The following RAPGEF4 variants were observed in gnomAD, a reference collection of about 807,000 sequenced individuals.
RAPGEF4 encodes Rap guanine nucleotide exchange factor 4, also known as RAP guanine-nucleotide-exchange factor (GEF) 4.
In RAPGEF4, 66 loss-of-function variants were observed where a neutral mutation model predicts 147.9. The observed-to-expected ratio is 0.45, with a 90% confidence interval of 0.37 to 0.55. RAPGEF4 has a LOEUF of 0.55. Among genes scored for constraint, RAPGEF4 ranks in the 20% least tolerant of loss-of-function variants. The pLI is 0.00. For missense variants in RAPGEF4, 1,071 were observed against 1,257.3 expected, an observed-to-expected ratio of 0.85 and a Z score of 2.24; for synonymous variants, 419 against 442.7, an observed-to-expected ratio of 0.95 and a Z score of 0.67.
rs1341811646 is a variant in RAPGEF4, at chr2:172,923,087, C to G, written c.537+787C>G. ...ACCTTTGCCTTTCTCTGCTTTCGGT[C>G]CCATGTCTGTGGGAAGATATACTCT... On this transcript the variant is annotated intron_variant, in intron 6 of 30. Coordinates refer to ENST00000397081, the MANE Select transcript of RAPGEF4 (RefSeq NM_007023.4). 2.6e-5 allele frequency among the ~76,000 whole-genome samples: 4 copies of G among 152,264 alleles called. No individual in the cohort carries two copies. The East Asian group carries it at 7.7e-4, about 29-fold the overall frequency.
intron 23 of RAPGEF4, among the ~76,000 whole-genome samples, chr2:173,026,289 G>A (rs1360377006): frequency 6.6e-6 from 1 of 152,196 alleles, no homozygotes; most frequent in Non-Finnish European, 1.5e-5. Flanking sequence ...CCAGGCCTGA[G>A]TGTGAGAGAA....
chr2:172,736,150 G>C (rs1260458908), intron 1 of RAPGEF4, 102 bp downstream of exon 1: 1 of 913,084 alleles, frequency 1.1e-6, no homozygotes, highest in African/African-American at 1.8e-5. Context: ...GCCGGGCTGC[G>C]GGTGGCCGGG....
intron 6 of RAPGEF4, among the ~76,000 whole-genome samples, chr2:172,947,980 C>T (rs373745297): frequency 1.3e-5 from 2 of 152,296 alleles, no homozygotes; most frequent in Non-Finnish European, 1.5e-5. Context: ...CACTATCCTG[C>T]CTTCCAAGGG....
At chr2:172,818,259 G>A (rs1456803662) in intron 4 of RAPGEF4, among the ~76,000 whole-genome samples, 1 of 152,006 alleles carries the variant, frequency 6.6e-6, no homozygotes, top group African/African-American at 2.4e-5. Flanking sequence ...ATGGATGCAC[G>A]AAAATCTCAG....
intron 30 of RAPGEF4, among the ~76,000 whole-genome samples, chr2:173,049,756 C>G (rs902870449): frequency 6.6e-6 from 1 of 152,194 alleles, no homozygotes; most frequent in African/African-American, 2.4e-5. Context: ...AATAGTCTTG[C>G]AATATCATCA....
At chr2:173,032,684 C>T (rs1327160312) in intron 26 of RAPGEF4, among the ~76,000 whole-genome samples, 1 of 152,154 alleles carries the variant, frequency 6.6e-6, no homozygotes, top group South Asian at 2.1e-4. Context: ...TGAACCCTAA[C>T]TTGAAATGCC....
chr2:172,918,738 A>T (rs765218765), intron 5 of RAPGEF4, among the ~76,000 whole-genome samples: 1 of 152,118 alleles, frequency 6.6e-6, no homozygotes, highest in Non-Finnish European at 1.5e-5. Flanking sequence ...TTGTGTGTAC[A>T]CATATAACAA....
intron 1 of RAPGEF4, among the ~76,000 whole-genome samples, chr2:172,746,347 G>A (rs1348323915): frequency 6.6e-6 from 1 of 152,124 alleles, no homozygotes; most frequent in Non-Finnish European, 1.5e-5. Flanking sequence ...AGGATGTGGG[G>A]GCACGGGTGT....
chr2:172,969,092 C>T (rs1289717349), intron 10 of RAPGEF4, among the ~76,000 whole-genome samples: 1 of 152,238 alleles, frequency 6.6e-6, no homozygotes, highest in Non-Finnish European at 1.5e-5. Flanking sequence ...GGCTGCCAAA[C>T]ACACTGCAGT....
chr2:172,962,736 C>T lies in RAPGEF4; in HGVS notation c.698+1508C>T, dbSNP rs140859729. ...GAAAGTGCCTTAGTGTCATCAGTAG[C>T]ATATTCCACTTAAGACACATTCCAT... On this transcript the variant is annotated intron_variant, in intron 8 of 30. Transcript: ENST00000397081. 6.2e-4 allele frequency among the ~76,000 whole-genome samples: 95 copies of T among 152,192 alleles called. 1 individual carries two copies. The highest frequency in any genetic ancestry group is 1.8e-3 in the African/African-American group (74 of 41,514).
chr2:172,777,953 G>A (rs1684329841), intron 1 of RAPGEF4, among the ~76,000 whole-genome samples: 1 of 152,028 alleles, frequency 6.6e-6, no homozygotes, highest in Non-Finnish European at 1.5e-5. Flanking sequence ...AGCCAGAAGT[G>A]GAAGTTCTTT....
chr2:172,868,634 A>G (rs566071484), intron 4 of RAPGEF4, among the ~76,000 whole-genome samples: 1 of 152,180 alleles, frequency 6.6e-6, no homozygotes, highest in Non-Finnish European at 1.5e-5. Flanking sequence ...TCTGAACCTG[A>G]CAGTACTTAT....
At chr2:173,030,121 C>A in intron 25 of RAPGEF4, 43 bp from the exon 26 acceptor site, 1 of 1,361,564 alleles carries the variant, frequency 7.3e-7, no homozygotes, top group Non-Finnish European at 1.0e-6. Context: ...TTATCTCACA[C>A]AGAAGTAACA....
intron 4 of RAPGEF4, among the ~76,000 whole-genome samples, chr2:172,879,699 G>T (rs969381254): frequency 6.6e-6 from 1 of 152,148 alleles, no homozygotes; most frequent in African/African-American, 2.4e-5. Flanking sequence ...GCTACTCAGA[G>T]GCTGAGGTGG....
rs369688402 is a variant in RAPGEF4 at position 173,036,110 on chromosome 2, T to G, written c.2701-15T>G. On this transcript the variant is annotated splice_polypyrimidine_tract_variant and intron_variant, in intron 27 of 30. Transcript: ENST00000397081. The stretch of plus-strand genomic sequence containing the variant: ...TGTCACCAGTCATTACCATCATCTC[T>G]TTTTCTCTCCTAAGGACCCTTCAAG... 11 of 1,582,810 alleles carry G rather than the reference T, an allele frequency of 6.9e-6. No individual in the cohort carries two copies. Among genetic ancestry groups the G allele is most frequent in the Non-Finnish European group, 9.5e-6 (11 of 1,152,180 alleles).
chr2:173,046,637 CTA>C (rs1160250728), intron 29 of RAPGEF4, among the ~76,000 whole-genome samples: 1 of 152,206 alleles, frequency 6.6e-6, no homozygotes, highest in East Asian at 1.9e-4. Flanking sequence ...ATCATAGTTA[CTA>C]TTTATTTCAC....
intron 4 of RAPGEF4, among the ~76,000 whole-genome samples, chr2:172,880,325 C>T (rs1009027135): frequency 6.6e-6 from 1 of 152,204 alleles, no homozygotes; most frequent in Non-Finnish European, 1.5e-5. Context: ...GGCTCCTAAC[C>T]AGCAGGCATA....
intron 6 of RAPGEF4, among the ~76,000 whole-genome samples, chr2:172,955,503 C>T (rs939496495): frequency 1.3e-5 from 2 of 152,180 alleles, no homozygotes; most frequent in Admixed American, 6.5e-5. Flanking sequence ...CTTTATCTGT[C>T]CCCCCTGCCT....
chr2:172,772,667 G>T (rs1328864911), intron 1 of RAPGEF4, among the ~76,000 whole-genome samples: 1 of 152,194 alleles, frequency 6.6e-6, no homozygotes, highest in African/African-American at 2.4e-5. Context: ...AAAATGAAAT[G>T]AGTTTGTTTA....
Sources: gnomAD v4.1 joint callset for allele counts (sites outside exome capture counted in the v4.1 genomes callset) on GRCh38, gnomAD v4.1.1 for gene constraint, MANE v1.5 for transcripts, NCBI Gene and HGNC (gene_info 2026-07-23, HGNC 2026-07-21) for gene names.